RGS3: variants seen among roughly 807,000 people sequenced by gnomAD.
The protein encoded by RGS3 is regulator of G protein signaling 3.
In RGS3, 80 loss-of-function variants were observed where a neutral mutation model predicts 132.6. The ratio of observed to expected loss-of-function variants is 0.60; its 90% CI spans 0.50 to 0.73. The LOEUF is 0.73. RGS3 is among the 30% of genes least tolerant of loss of function. The pLI, the probability that RGS3 is intolerant of heterozygous loss-of-function variation, is 0.00. For missense variants in RGS3, 1,382 were observed against 1,530.8 expected (o/e 0.90, Z 1.62); for synonymous variants, 598 against 620.6 (o/e 0.96, Z 0.54).
chr9:113,457,258 T>A (rs915694827), upstream of RGS3, among the ~76,000 whole-genome samples: 7 of 152,202 alleles, frequency 4.6e-5, no homozygotes, highest in Non-Finnish European at 1.0e-4. Context: ...CCTGTAACCC[T>A]TCCTTCCTCT....
intron 19 of RGS3, among the ~76,000 whole-genome samples, chr9:113,550,099 C>T (rs1833278562): frequency 6.6e-6 from 1 of 152,230 alleles, no homozygotes; most frequent in South Asian, 2.1e-4. Context: ...CGCGGTGGCT[C>T]ATGCCTGTAA....
At chr9:113,561,558 A>T (rs563349735) in intron 19 of RGS3, among the ~76,000 whole-genome samples, 2 of 149,518 alleles carry the variant, frequency 1.3e-5, no homozygotes, top group South Asian at 4.2e-4. Context: ...GATCACAGGC[A>T]CACAGCACCA....
intron 10 of RGS3, chr9:113,505,092 G>T: frequency 3.8e-6 from 1 of 264,802 alleles, no homozygotes; most frequent in South Asian, 7.2e-5. Flanking sequence ...GTGGATCAAA[G>T]GTGAGGCTGA....
chr9:113,453,054 A>G (rs1039459602), intron 1 of RGS3, among the ~76,000 whole-genome samples: 1 of 134,732 alleles, frequency 7.4e-6, no homozygotes, highest in African/African-American at 2.8e-5. Flanking sequence ...TATATAATAT[A>G]TAAGTATACA....
intron 3 of RGS3, among the ~76,000 whole-genome samples, chr9:113,473,706 A>T (rs915259969): frequency 6.6e-6 from 1 of 152,258 alleles, no homozygotes; most frequent in Admixed American, 6.5e-5. Flanking sequence ...ACCTCTTAAT[A>T]ATCTTCAGCT....
chr9:113,591,416 T>G lies in RGS3; in HGVS notation c.3080+19T>G, dbSNP rs1214086187. The G allele has an allele frequency of 8.1e-6, 13 of 1,609,246 alleles. No individual in the cohort carries two copies. In the East Asian group the frequency reaches 2.9e-4, roughly 36 times the overall value. On this transcript the variant is annotated intron_variant, in intron 21 of 24. Transcript: ENST00000350696. The surrounding 1 kb of genome is among the most constrained non-coding windows in gnomAD (Gnocchi z 4.4). ...AAAACCTGTACGTTGGGAAGATCCC[T>G]GGCTTCTGCGCTCCTCTTCCTCCCT...
intron 1 of RGS3, among the ~76,000 whole-genome samples, chr9:113,453,161 C>CATT (rs752687265): frequency 0.018 from 2,114 of 116,722 alleles, 79 homozygotes; most frequent in African/African-American, 0.06. Flanking sequence ...ATAATATACT[C>CATT]ATATGATTAT....
At chr9:113,520,969 A>G (rs1281430526) in intron 16 of RGS3, among the ~76,000 whole-genome samples, 2 of 152,136 alleles carry the variant, frequency 1.3e-5, no homozygotes, top group Non-Finnish European at 2.9e-5. Context: ...ATACCTGGGT[A>G]ATGGTCCCTG....
chr9:113,574,482 T>C (rs2118908004), intron 19 of RGS3, among the ~76,000 whole-genome samples: 1 of 152,320 alleles, frequency 6.6e-6, no homozygotes, highest in African/African-American at 2.4e-5. Context: ...TTGGCAGCAA[T>C]AGCCAACACA....
intron 16 of RGS3, among the ~76,000 whole-genome samples, chr9:113,521,101 T>A (rs2119402845): frequency 6.6e-6 from 1 of 152,308 alleles, no homozygotes; most frequent in South Asian, 2.1e-4. Flanking sequence ...CGTTCAACAC[T>A]TGAAGACTTC....
At chr9:113,483,529 G>T (rs537573382) in intron 5 of RGS3, among the ~76,000 whole-genome samples, 1 of 152,298 alleles carries the variant, frequency 6.6e-6, no homozygotes, top group South Asian at 2.1e-4. Context: ...CTTCTGGGTT[G>T]GGCTTTTGCT....
intron 19 of RGS3, among the ~76,000 whole-genome samples, chr9:113,556,664 C>T (rs2118784798): frequency 6.6e-6 from 1 of 152,302 alleles, no homozygotes; most frequent in South Asian, 2.1e-4. Flanking sequence ...GCCCACCCTG[C>T]CCTTCCCCCC....
rs369298797 is a variant in RGS3 at position 113,597,087 on chromosome 9, C to T, written c.*134C>T. ...GTCTCTGGACAGACGGATAGACATA[C>T]GGAAGCGAGGCCTGGACCAAGAGAG... On this transcript the variant is annotated 3_prime_UTR_variant, in exon 25 of 25. Transcript: ENST00000350696. The T allele has an allele frequency of 6.1e-5, 45 of 740,456 alleles. No individual in the cohort carries two copies. In the East Asian group the frequency reaches 8.3e-4, roughly 14 times the overall value. 45.9% of individuals were successfully genotyped at this position (740,456 alleles called of 1,614,324 possible). A position where few individuals can be genotyped will look rare whatever the true frequency, so the allele number is the denominator to read the frequency against.
chr9:113,596,206 C>T (rs1242272703), intron 24 of RGS3, among the ~76,000 whole-genome samples: 6 of 152,170 alleles, frequency 3.9e-5, no homozygotes, highest in African/African-American at 1.2e-4. Context: ...TGGTGATGGG[C>T]GCCTGTGGTC....
intron 15 of RGS3, among the ~76,000 whole-genome samples, chr9:113,516,629 G>A (rs536064435): frequency 4.6e-5 from 7 of 152,282 alleles, no homozygotes; most frequent in African/African-American, 1.4e-4. Flanking sequence ...AAAGTGCTGG[G>A]ATTACAGGCA....
chr9:113,514,351 A>G, intron 14 of RGS3, 107 bp from the exon 13 acceptor site: 1 of 1,012,410 alleles, frequency 9.9e-7, no homozygotes, highest in Non-Finnish European at 1.5e-6. Flanking sequence ...GTAGCTGCTC[A>G]GAAAGTGGTT....
rs926185210 is a variant in RGS3 at position 113,512,707 on chromosome 9, G to A, written c.1478-1751G>A. ...GCAGCAGAAGACAGCCTGCACCCAG[G>A]ACCCAGGCTGGGCACCCAGGTCAGT... On this transcript the variant is annotated intron_variant, in intron 14 of 24. Coordinates refer to ENST00000350696, the Ensembl canonical transcript of RGS3. Among the ~76,000 whole-genome samples, 4 of 152,164 alleles carry A rather than the reference G, an allele frequency of 2.6e-5. No homozygotes were observed. The East Asian group carries it at 5.8e-4, about 22-fold the overall frequency.
chr9:113,527,193 C>T (rs1300237061), intron 17 of RGS3, among the ~76,000 whole-genome samples: 2 of 152,218 alleles, frequency 1.3e-5, no homozygotes, highest in Non-Finnish European at 2.9e-5. Context: ...CCATTCCCTG[C>T]CATAGGAAAT....
intron 1 of RGS3, among the ~76,000 whole-genome samples, chr9:113,460,583 G>T (rs1564444614): frequency 1.3e-5 from 2 of 151,816 alleles, no homozygotes; most frequent in Admixed American, 1.3e-4. Context: ...TTTTTGAAAT[G>T]AATTTTTAGT....
Sources: gnomAD v4.1 joint callset for allele counts (sites outside exome capture counted in the v4.1 genomes callset) on GRCh38, gnomAD v4.1.1 for gene constraint, Gnocchi (gnomAD v3.1) non-coding constraint, MANE v1.5 for transcripts, NCBI Gene and HGNC (gene_info 2026-07-23, HGNC 2026-07-21) for gene names.